The following LNPK variants were observed in gnomAD, a reference collection of about 807,000 sequenced individuals.
LNPK encodes endoplasmic reticulum junction formation protein lunapark.
LNPK carries 29 observed loss-of-function variants against 55.2 expected under a neutral mutation model. That is an observed-to-expected ratio of 0.53 (90% CI 0.39 to 0.72). LNPK has a LOEUF of 0.72. LNPK is among the 30% of genes least tolerant of loss of function. LNPK has a pLI of 0.00. For missense variants in LNPK, 467 were observed against 494.8 expected, an observed-to-expected ratio of 0.94 and a Z score of 0.53; for synonymous variants, 162 against 168.2, an observed-to-expected ratio of 0.96 and a Z score of 0.29.
intron 6 of LNPK, 114 bp from the exon 7 acceptor site, chr2:175,964,703 A>C (rs1469360549): frequency 1.6e-6 from 1 of 641,450 alleles, no homozygotes; most frequent in African/African-American, 1.8e-5. Context: ...AGAATGAAAG[A>C]CTTCCTACAT....
chr2:175,968,366 A>C (rs952308184), intron 6 of LNPK, among the ~76,000 whole-genome samples: 2 of 152,226 alleles, frequency 1.3e-5, no homozygotes, highest in Admixed American at 1.3e-4. Flanking sequence ...CATAGGACTA[A>C]TATTCTGAAA....
chr2:175,937,395 C>T lies in LNPK; in HGVS notation c.1003G>A (p.Gly335Ser). 6.2e-7 allele frequency: 1 copy of T among 1,613,572 alleles called. No individual in the cohort carries two copies. The highest frequency in any genetic ancestry group is 8.5e-7 in the Non-Finnish European group (1 of 1,179,674). Residue 335 changes from glycine to serine, a missense_variant, in exon 12 of 13, where the codon GGT becomes AGT. Transcript: ENST00000272748. ...RQVVEGSSSV[G>S]PLPSGSVLSS... Reference sequence around the variant, plus strand: ...AGCACACTTCCTGATGGCAAGGGACCAACTGAACTTGAACCTTCCACCACC... The same window carrying T: ...AGCACACTTCCTGATGGCAAGGGACTAACTGAACTTGAACCTTCCACCACC...
In LNPK at chr2:175,948,335, C is replaced by G. The variant is rs530614761; in HGVS notation, c.494-643G>C. On this transcript the variant is annotated intron_variant, in intron 8 of 12. Coordinates refer to ENST00000272748, the MANE Select transcript of LNPK (RefSeq NM_030650.3). ...TTACAAGATTCTCTGTAACAGGGGT[C>G]AGCAAGCATGCCAAATTCAGGCTGC... Among the ~76,000 whole-genome samples, 8 of 152,320 alleles carry G rather than the reference C, an allele frequency of 5.3e-5. No individual in the cohort carries two copies. The East Asian group carries it at 7.7e-4, about 15-fold the overall frequency.
At chr2:175,975,113 T>A (rs1242583751) in intron 5 of LNPK, among the ~76,000 whole-genome samples, 2 of 151,820 alleles carry the variant, frequency 1.3e-5, no homozygotes, top group African/African-American at 2.4e-5. Context: ...TTACTAAATA[T>A]CACCAAAAAC....
At chr2:175,976,018 A>AG (rs1553506398) in intron 5 of LNPK, among the ~76,000 whole-genome samples, 6 of 152,268 alleles carry the variant, frequency 3.9e-5, no homozygotes, top group East Asian at 1.9e-4. Context: ...ATCTCAAAAA[A>AG]AAAGAAAGAA....
intron 8 of LNPK, among the ~76,000 whole-genome samples, chr2:175,962,504 C>T (rs534998741): frequency 8.5e-5 from 13 of 152,208 alleles, no homozygotes; most frequent in African/African-American, 7.2e-5. Context: ...TAGCCATATG[C>T]AGAAAGCTGA....
At position 176,002,162 on chromosome 2, in the gene LNPK, G is replaced by T. The variant is rs575682601; in HGVS notation, c.-65C>A. On this transcript the variant is annotated splice_region_variant and 5_prime_UTR_variant, in exon 1 of 13. Transcript: ENST00000272748. Reference sequence around the variant, plus strand: ...TGCCCTCGCCTTGAGCGTTCTACCTGCAAGAAGCGGGCGCAGCCCGGCCCG... The same window carrying T: ...TGCCCTCGCCTTGAGCGTTCTACCTTCAAGAAGCGGGCGCAGCCCGGCCCG... The T allele has an allele frequency of 1.1e-4, 50 of 444,592 alleles. No individual in the cohort carries two copies. The highest frequency in any genetic ancestry group is 2.1e-4 in the Non-Finnish European group (46 of 222,486). 27.5% of individuals were successfully genotyped at this position (444,592 alleles called of 1,614,324 possible).
intron 4 of LNPK, 98 bp from the exon 5 acceptor site, chr2:175,979,966 G>A (rs1487983854): frequency 8.8e-7 from 1 of 1,132,584 alleles, no homozygotes; most frequent in Non-Finnish European, 1.2e-6. Context: ...TTAGAGTTAG[G>A]TACATTGTTT....
chr2:175,937,356 G>T lies in LNPK; in HGVS notation c.1042C>A (p.Gln348Lys). 6.2e-7 allele frequency: 1 copy of T among 1,613,120 alleles called. No individual in the cohort carries two copies. The highest frequency in any genetic ancestry group is 8.5e-7 in the Non-Finnish European group (1 of 1,179,508). ...PSGSVLSSDN[Q>K]FNEESLEHDV... ...AACATATTCATACCTTCATTAAACT[G>T]GTTGTCTGATGAAAGCACACTTCCT... Residue 348 changes from glutamine to lysine, a missense_variant, in exon 12 of 13, where the codon CAG becomes AAG. Gln to Lys is a moderately conservative substitution (Grantham distance 53, BLOSUM62 1). Transcript: ENST00000272748.
At chr2:175,949,874 T>G (rs1376586422) in intron 8 of LNPK, among the ~76,000 whole-genome samples, 4 of 152,118 alleles carry the variant, frequency 2.6e-5, no homozygotes, top group Non-Finnish European at 5.9e-5. Flanking sequence ...TGTCAAACTA[T>G]TATAAAATGT....
chr2:175,929,826 T>C lies in LNPK; in HGVS notation c.*141A>G. ...ACCCAGTATATATAACTTTGAGATG[T>C]TCAAATAGCTAGGCAATCTGAATTC... On this transcript the variant is annotated 3_prime_UTR_variant, in exon 13 of 13. Transcript: ENST00000272748. 4 of 1,458,418 alleles carry C rather than the reference T, an allele frequency of 2.7e-6. No homozygotes were observed. The highest frequency in any genetic ancestry group is 3.6e-6 in the Non-Finnish European group (4 of 1,107,694). The allele number at this position is 1,458,418 out of a possible 1,614,324, so 90.3% of individuals were successfully genotyped here.
chr2:175,994,872 A>G (rs1687859376), intron 2 of LNPK, among the ~76,000 whole-genome samples: 1 of 151,714 alleles, frequency 6.6e-6, no homozygotes, highest in Non-Finnish European at 1.5e-5. Flanking sequence ...GATAAGCTTC[A>G]AGTAAAAAGA....
In LNPK at chr2:175,992,413, A is replaced by T; in HGVS notation, c.75T>A (p.Ile25=). The T allele has an allele frequency of 6.7e-7, 1 of 1,501,432 alleles. No individual in the cohort carries two copies. 93.0% of individuals were successfully genotyped at this position (1,501,432 alleles called of 1,614,324 possible). A position where few individuals can be genotyped will look rare whatever the true frequency, so the allele number is the denominator to read the frequency against. Residue 25 remains isoleucine, a synonymous_variant, in exon 4 of 13, where the codon ATT becomes ATA. Coordinates refer to ENST00000272748, the MANE Select transcript of LNPK (RefSeq NM_030650.3). ...TTTCCCTAAATTCTTCCAATGCTTG[A>T]ATTTCCTGTTAAGAGAAAATTATTC... The part of the protein sequence containing the change: ...VEVLESIDKE[I]QALEEFREKN...
upstream of LNPK, chr2:176,002,320 T>A: frequency 2.3e-6 from 1 of 427,174 alleles, no homozygotes; most frequent in African/African-American, 2.1e-5. Flanking sequence ...GCTCGCCAAT[T>A]GGCGCCGCGG....
intron 8 of LNPK, among the ~76,000 whole-genome samples, chr2:175,959,747 A>T (rs1181773477): frequency 6.6e-6 from 1 of 152,222 alleles, no homozygotes; most frequent in Non-Finnish European, 1.5e-5. Flanking sequence ...AAATGCCCCA[A>T]TTAAAAGACA....
At chr2:175,951,684 T>C (rs1574836462) in intron 8 of LNPK, among the ~76,000 whole-genome samples, 2 of 150,754 alleles carry the variant, frequency 1.3e-5, no homozygotes, top group South Asian at 4.2e-4. Context: ...CGAATTGTGC[T>C]GCTATAAACA....
In LNPK at chr2:175,928,521, A is replaced by G. The variant is rs1456337144; in HGVS notation, c.*1446T>C. 3 of 148,532 alleles carry G rather than the reference A, an allele frequency of 2.0e-5. No individual in the cohort carries two copies. The East Asian group carries it at 5.8e-4, about 29-fold the overall frequency. The allele number at this position is 148,532 out of a possible 1,614,324, so 9.2% of individuals were successfully genotyped here. On this transcript the variant is annotated 3_prime_UTR_variant, in exon 13 of 13. Transcript: ENST00000272748. ...ACAGATTGAGTTCCAAAAAAAAAAAAAAAAAAAAACTGTCACATATGAGAT... is the reference window on the plus strand; with the variant it reads ...ACAGATTGAGTTCCAAAAAAAAAAAGAAAAAAAAACTGTCACATATGAGAT...
rs114213713 is a variant in LNPK, at chr2:175,950,935, A to C, written c.494-3243T>G. On this transcript the variant is annotated intron_variant, in intron 8 of 12. Transcript: ENST00000272748. ...TAAGGCAATTATTTAAAATATATAG[A>C]TACTAATTTACACATTAAATGTTCC... 1.7e-3 allele frequency among the ~76,000 whole-genome samples: 264 copies of C among 152,274 alleles called. 2 individuals carry two copies. The highest frequency in any genetic ancestry group is 5.4e-3 in the African/African-American group (225 of 41,570).
intron 5 of LNPK, 120 bp from the exon 6 acceptor site, chr2:175,970,924 A>G (rs1686629445): frequency 2.3e-6 from 2 of 855,954 alleles, no homozygotes; most frequent in Non-Finnish European, 1.6e-6. Context: ...TCAAAATTTA[A>G]CTGATGTGTA....
Sources: allele counts gnomAD v4.1 joint callset (sites outside exome capture counted in the v4.1 genomes callset), GRCh38; gene constraint gnomAD v4.1.1; transcripts MANE v1.5; gene names NCBI Gene and HGNC (gene_info 2026-07-23, HGNC 2026-07-21).